CMIP: variants seen among roughly 807,000 people sequenced by gnomAD.
CMIP encodes C-Maf-inducing protein.
In CMIP, 13 loss-of-function variants were observed where a neutral mutation model predicts 97.3. That is an observed-to-expected ratio of 0.13 (90% CI 0.09 to 0.21). The LOEUF (loss-of-function observed/expected upper bound fraction) is 0.21, where lower values mean the gene tolerates loss of function less well. CMIP is among the 10% of genes least tolerant of loss of function. CMIP has a pLI of 1.00. For synonymous variants in CMIP, 538 were observed against 436.3 expected (o/e 1.23, Z -2.91); for missense variants, 847 against 1,024.9 (o/e 0.83, Z 2.37).
chr16:81,487,395 C>G (rs558424329), intron 1 of CMIP, among the ~76,000 whole-genome samples: 1 of 152,316 alleles, frequency 6.6e-6, no homozygotes, highest in Non-Finnish European at 1.5e-5. Context: ...CTGACTGCTC[C>G]ACTCCCGAGG....
intron 1 of CMIP, among the ~76,000 whole-genome samples, chr16:81,537,099 T>C (rs1483728903): frequency 6.6e-6 from 1 of 152,186 alleles, no homozygotes; most frequent in East Asian, 1.9e-4. Context: ...GCTGGAAACT[T>C]CAGGACCAGT....
At chr16:81,549,756 C>T (rs1053953953) in intron 1 of CMIP, among the ~76,000 whole-genome samples, 7 of 152,348 alleles carry the variant, frequency 4.6e-5, no homozygotes, top group African/African-American at 1.7e-4. Context: ...CTGGGTGCCC[C>T]AGCAGGGCAC....
At chr16:81,664,895 T>C (rs2092586925) in intron 7 of CMIP, 1 of 165,208 alleles carries the variant, frequency 6.1e-6, no homozygotes, top group African/African-American at 2.4e-5. Flanking sequence ...CAGTAACCCA[T>C]CACCCCATTC....
At chr16:81,544,932 A>G (rs1567570602) in intron 1 of CMIP, among the ~76,000 whole-genome samples, 1 of 150,754 alleles carries the variant, frequency 6.6e-6, no homozygotes, top group African/African-American at 2.4e-5. Context: ...TCAACCCCTC[A>G]TTTTTTTGGC....
intron 10 of CMIP, among the ~76,000 whole-genome samples, chr16:81,687,634 C>T (rs560821322): frequency 2.6e-5 from 4 of 152,248 alleles, no homozygotes; most frequent in African/African-American, 4.8e-5. Context: ...TCATTTTCCT[C>T]GTCTGTAAAA....
intron 1 of CMIP, among the ~76,000 whole-genome samples, chr16:81,535,784 C>T (rs1257156096): frequency 2.6e-5 from 4 of 152,078 alleles, no homozygotes; most frequent in African/African-American, 4.8e-5. Flanking sequence ...CATAAATTAC[C>T]GAGGTCACCC....
At chr16:81,488,808 G>A (rs1359955571) in intron 1 of CMIP, among the ~76,000 whole-genome samples, 2 of 152,188 alleles carry the variant, frequency 1.3e-5, no homozygotes, top group African/African-American at 4.8e-5. Flanking sequence ...TGATCTGGAA[G>A]ACGGGGAGAG....
chr16:81,601,289 T>C (rs1163192046), intron 1 of CMIP, among the ~76,000 whole-genome samples: 2 of 152,168 alleles, frequency 1.3e-5, no homozygotes, highest in African/African-American at 4.8e-5. Flanking sequence ...CGTATTCACT[T>C]TGAGAGGAAT....
At chr16:81,629,823 T>A (rs1235058450) in intron 3 of CMIP, among the ~76,000 whole-genome samples, 1 of 152,272 alleles carries the variant, frequency 6.6e-6, no homozygotes, top group East Asian at 1.9e-4. Flanking sequence ...ACCAAAGGCC[T>A]CTGCTGTGGT....
At chr16:81,649,181 A>G (rs1482345165) in intron 3 of CMIP, among the ~76,000 whole-genome samples, 2 of 152,252 alleles carry the variant, frequency 1.3e-5, no homozygotes, top group African/African-American at 2.4e-5. Flanking sequence ...GTATGTCCTC[A>G]TGAAATTTTA....
chr16:81,661,064 G>C (rs557676317), intron 6 of CMIP, 118 bp downstream of exon 6: 1 of 1,230,236 alleles, frequency 8.1e-7, no homozygotes, highest in African/African-American at 1.5e-5. Flanking sequence ...CTTGGGTCAC[G>C]GTCCCAGACA....
intron 1 of CMIP, chr16:81,495,214 C>A: frequency 1.1e-6 from 1 of 945,922 alleles, no homozygotes; most frequent in Non-Finnish European, 1.5e-6. Context: ...ATTACTGTAG[C>A]ATAGGGTTTC....
intron 3 of CMIP, among the ~76,000 whole-genome samples, chr16:81,651,026 T>A (rs916270980): frequency 6.6e-6 from 1 of 152,144 alleles, no homozygotes; most frequent in Non-Finnish European, 1.5e-5. Context: ...TCAGGGAGGC[T>A]CTGGCAGCTT....
chr16:81,501,028 TG>T (rs1293150739), intron 1 of CMIP, among the ~76,000 whole-genome samples: 1 of 152,228 alleles, frequency 6.6e-6, no homozygotes, highest in Admixed American at 6.5e-5. Context: ...GGTTATCCTT[TG>T]GAAAATAAGC....
intron 3 of CMIP, among the ~76,000 whole-genome samples, chr16:81,649,484 A>G (rs2092402926): frequency 6.6e-6 from 1 of 152,212 alleles, no homozygotes; most frequent in African/African-American, 2.4e-5. Context: ...ACTCATGGCC[A>G]CCCACCTCAG....
chr16:81,538,133 G>C (rs2150834279), intron 1 of CMIP, among the ~76,000 whole-genome samples: 1 of 152,342 alleles, frequency 6.6e-6, no homozygotes, highest in African/African-American at 2.4e-5. Context: ...TTCTTAGATG[G>C]GGGAACTGAG....
intron 1 of CMIP, among the ~76,000 whole-genome samples, chr16:81,492,781 A>G (rs1230800462): frequency 6.7e-6 from 1 of 150,164 alleles, no homozygotes; most frequent in East Asian, 2.0e-4. Flanking sequence ...AAGAGGCAGG[A>G]TGTGGAAGAG....
chr16:81,469,747 A>G (rs957470272), intron 1 of CMIP, among the ~76,000 whole-genome samples: 3 of 152,234 alleles, frequency 2.0e-5, no homozygotes, highest in East Asian at 1.9e-4. Flanking sequence ...TGTTATTTAC[A>G]TTCTGATTAC....
chr16:81,520,602 G>GA (rs755414906), intron 1 of CMIP: 2 of 147,990 alleles, frequency 1.4e-5, no homozygotes, highest in African/African-American at 2.5e-5. Context: ...GAGAGAGAGA[G>GA]AAGATAGAAA....
Sources: gnomAD v4.1 joint callset for allele counts (sites outside exome capture counted in the v4.1 genomes callset) on GRCh38, gnomAD v4.1.1 for gene constraint, MANE v1.5 for transcripts, NCBI Gene and HGNC (gene_info 2026-07-23, HGNC 2026-07-21) for gene names.